The following CAMK2A variants were observed in gnomAD, a reference collection of about 807,000 sequenced individuals.
The protein encoded by CAMK2A is calcium/calmodulin dependent protein kinase II alpha, also known as calcium/calmodulin-dependent protein kinase type II subunit alpha.
In CAMK2A, 7 loss-of-function variants were observed where a neutral mutation model predicts 79.2. That is an observed-to-expected ratio of 0.09 (90% CI 0.05 to 0.17). The LOEUF is 0.17. CAMK2A is among the 10% of genes least tolerant of loss of function. The pLI is 1.00. For synonymous variants in CAMK2A, 242 were observed against 251.7 expected (o/e 0.96, Z 0.36); for missense variants, 214 against 646.4 (o/e 0.33, Z 7.25).
chr5:150,239,466 G>C (rs1165296239), intron 14 of CAMK2A, among the ~76,000 whole-genome samples: 1 of 152,208 alleles, frequency 6.6e-6, no homozygotes, highest in Non-Finnish European at 1.5e-5. Context: ...CACACCCGAG[G>C]AGGATCTCAG....
intron 15 of CAMK2A, among the ~76,000 whole-genome samples, chr5:150,231,862 A>G (rs10057794): frequency 0.14 from 21,622 of 152,186 alleles, 4,217 homozygotes; most frequent in African/African-American, 0.44. Flanking sequence ...AACCAGCACC[A>G]CTAAGAAAAA....
intron 13 of CAMK2A, among the ~76,000 whole-genome samples, chr5:150,242,776 G>A (rs939635263): frequency 4.6e-5 from 7 of 152,112 alleles, no homozygotes; most frequent in African/African-American, 9.7e-5. Flanking sequence ...CCCCAGCTCC[G>A]CCATTCTCCC....
chr5:150,269,432 G>A (rs1425802524), intron 2 of CAMK2A, among the ~76,000 whole-genome samples: 1 of 151,748 alleles, frequency 6.6e-6, no homozygotes, highest in African/African-American at 2.4e-5. Flanking sequence ...AGAAGGGAGT[G>A]GACTCCCCTG....
chr5:150,253,625 G>A (rs1311393879), intron 6 of CAMK2A, 79 bp from the exon 7 acceptor site: 1 of 1,230,978 alleles, frequency 8.1e-7, no homozygotes, highest in African/African-American at 1.5e-5. Flanking sequence ...CTCACCTCTA[G>A]GGGCCTGGGC....
rs13356302 is a variant in CAMK2A at position 150,275,807 on chromosome 5, T to G, written c.63-2648A>C. On this transcript the variant is annotated intron_variant, in intron 1 of 18. Transcript: ENST00000671881. ...TAGTTGGGGTGTGTCACCTTCGGGG[T>G]ATGTGGATGTTTTCACCAAACCAGA... Among the ~76,000 whole-genome samples, 985 of 150,212 alleles carry G rather than the reference T, an allele frequency of 6.6e-3. 12 individuals carry two copies. Among genetic ancestry groups the G allele is most frequent in the African/African-American group, 0.023 (928 of 40,574 alleles).
chr5:150,239,059 G>A (rs1214619690), intron 14 of CAMK2A, among the ~76,000 whole-genome samples: 1 of 152,210 alleles, frequency 6.6e-6, no homozygotes, highest in Non-Finnish European at 1.5e-5. Context: ...GGAGCAGAGA[G>A]ACACCATGGC....
chr5:150,231,160 A>G, intron 16 of CAMK2A, 145 bp downstream of exon 16: 1 of 456,784 alleles, frequency 2.2e-6, no homozygotes, highest in East Asian at 3.3e-5. Flanking sequence ...TCCGGATGCA[A>G]AATAGAAATA....
At chr5:150,246,945 G>T (rs1401830765) in intron 12 of CAMK2A, among the ~76,000 whole-genome samples, 2 of 152,250 alleles carry the variant, frequency 1.3e-5, no homozygotes, top group Non-Finnish European at 2.9e-5. Flanking sequence ...TGCTCTATCT[G>T]CTATCTATAT....
At chr5:150,273,418 A>G (rs1428580335) in intron 1 of CAMK2A, among the ~76,000 whole-genome samples, 1 of 152,250 alleles carries the variant, frequency 6.6e-6, no homozygotes, top group Non-Finnish European at 1.5e-5. Flanking sequence ...CGGGCTCATC[A>G]TGCTGTAAAA....
In CAMK2A at chr5:150,222,369, C is replaced by CA. The variant is rs5872172; in HGVS notation, c.*340_*341insT. On this transcript the variant is annotated 3_prime_UTR_variant, in exon 19 of 19. Coordinates refer to ENST00000671881, the MANE Select transcript of CAMK2A (RefSeq NM_015981.4). ...CCTTCTCCCCAGCCCCTGGTGGGCA[C>CA]CAGCCCGGGCATTCTAGCCTACAGC... 230,460 of 628,730 alleles carry CA rather than the reference C, an allele frequency of 0.37. 45,126 individuals are homozygous for CA. The highest frequency in any genetic ancestry group is 0.58 in the African/African-American group (32,079 of 55,266). The allele number at this position is 628,730 out of a possible 1,614,324, so 38.9% of individuals were successfully genotyped here.
At chr5:150,225,081 A>T (rs1754536307) in intron 17 of CAMK2A, among the ~76,000 whole-genome samples, 1 of 151,612 alleles carries the variant, frequency 6.6e-6, no homozygotes, top group Non-Finnish European at 1.5e-5. Flanking sequence ...AGAAAGTGAG[A>T]GAGAGAGAGA....
intron 15 of CAMK2A, among the ~76,000 whole-genome samples, chr5:150,235,039 C>A (rs1056328860): frequency 5.9e-5 from 9 of 152,156 alleles, no homozygotes; most frequent in African/African-American, 1.9e-4. Flanking sequence ...TGTCTAGATA[C>A]CTCTCTGAGT....
At chr5:150,273,523 A>G (rs1756835144) in intron 1 of CAMK2A, among the ~76,000 whole-genome samples, 1 of 152,194 alleles carries the variant, frequency 6.6e-6, no homozygotes, top group Non-Finnish European at 1.5e-5. Flanking sequence ...TATGGTTCAA[A>G]GTTCAAAAGA....
intron 11 of CAMK2A, among the ~76,000 whole-genome samples, chr5:150,249,002 A>G (rs1755707649): frequency 6.6e-6 from 1 of 152,114 alleles, no homozygotes; most frequent in South Asian, 2.1e-4. Flanking sequence ...TGATATTTTG[A>G]GACTTCCTCT....
chr5:150,277,185 G>C (rs560399386), intron 1 of CAMK2A, among the ~76,000 whole-genome samples: 230 of 152,178 alleles, frequency 1.5e-3, no homozygotes, highest in Non-Finnish European at 2.9e-3. Flanking sequence ...CTGCACTCCA[G>C]CCTGGGTGAC....
Position 150,238,765 on chromosome 5 carries a change from A to T in CAMK2A, c.1018-17T>A. 1 of 1,594,330 alleles carries T rather than the reference A, an allele frequency of 6.3e-7. No homozygotes were observed. The highest frequency in any genetic ancestry group is 1.1e-5 in the South Asian group (1 of 87,582). On this transcript the variant is annotated splice_polypyrimidine_tract_variant and intron_variant, in intron 14 of 18. Transcript: ENST00000671881. ...TGAGGATTCCTGCCAAAGAGAATAC[A>T]GGAGATGGTGAGGCCTGCCTGGGAG...
chr5:150,278,446 C>A (rs1385433667), intron 1 of CAMK2A, among the ~76,000 whole-genome samples: 1 of 151,778 alleles, frequency 6.6e-6, no homozygotes, highest in Admixed American at 6.6e-5. Context: ...AGCCCAGAAA[C>A]CTTGGCAAAC....
chr5:150,285,880 T>G (rs1415919122), intron 1 of CAMK2A, among the ~76,000 whole-genome samples: 3 of 151,970 alleles, frequency 2.0e-5, no homozygotes, highest in Non-Finnish European at 4.4e-5. Context: ...CTCCTGGGGG[T>G]AGGATCAGAA....
intron 17 of CAMK2A, among the ~76,000 whole-genome samples, chr5:150,224,126 G>A (rs771922271): frequency 4.6e-5 from 7 of 152,188 alleles, no homozygotes; most frequent in Non-Finnish European, 7.3e-5. Context: ...CCTGACACCA[G>A]CTTCCACCAG....
Sources: allele counts gnomAD v4.1 joint callset (sites outside exome capture counted in the v4.1 genomes callset), GRCh38; gene constraint gnomAD v4.1.1; transcripts MANE v1.5; gene names NCBI Gene and HGNC (gene_info 2026-07-23, HGNC 2026-07-21).